Variants in HSD17B6 observed in about 807,000 individuals in gnomAD.
HSD17B6 encodes the protein 17-beta-hydroxysteroid dehydrogenase type 6.
A neutral mutation model predicts 26.4 loss-of-function variants in HSD17B6; 16 were observed. The observed-to-expected ratio is 0.61, with a 90% confidence interval of 0.41 to 0.92. The LOEUF (loss-of-function observed/expected upper bound fraction) is 0.92, where lower values mean the gene tolerates loss of function less well. Among genes scored for constraint, HSD17B6 ranks in the 40% least tolerant of loss-of-function variants. The probability of loss-of-function intolerance (pLI) is 0.00; values close to 1 mark genes in which losing one functional copy is unlikely to be tolerated. For missense variants in HSD17B6, 357 were observed against 386.1 expected, an observed-to-expected ratio of 0.92 and a Z score of 0.63; for synonymous variants, 139 against 153.0, an observed-to-expected ratio of 0.91 and a Z score of 0.68.
chr12:56,785,054 T>G, intron 4 of HSD17B6, 38 bp downstream of exon 4: 2 of 1,556,632 alleles, frequency 1.3e-6, no homozygotes, highest in Non-Finnish European at 1.7e-6. Context: ...ATGGGTACCC[T>G]GTATTAGTCC....
intron 4 of HSD17B6, 67 bp from the exon 5 acceptor site, chr12:56,787,058 G>GT (rs1433155038): frequency 1.1e-5 from 13 of 1,236,028 alleles, no homozygotes; most frequent in African/African-American, 1.5e-5. Context: ...TGAGACTTCT[G>GT]TGACTGCATG....
Position 56,783,545 on chromosome 12 carries a change from AC to A in HSD17B6, c.573-1300del, listed in dbSNP as rs1280436272. On this transcript the variant is annotated intron_variant, in intron 3 of 4. Transcript: ENST00000322165. Reference sequence around the variant, plus strand: ...GGCGGCCGGCCGGGCGGGGGGCTGAACCCCCCCCACCTCCCTCCCGGACAGG... The same window carrying A: ...GGCGGCCGGCCGGGCGGGGGGCTGAACCCCCCCACCTCCCTCCCGGACAGG... Among the ~76,000 whole-genome samples the A allele has an allele frequency of 2.4e-3, 181 of 75,702 alleles. 1 individual carries two copies. The highest frequency in any genetic ancestry group is 8.3e-3 in the African/African-American group (161 of 19,388). The allele number at this position is 75,702 out of a possible 152,430, so 49.7% of individuals were successfully genotyped here.
chr12:56,784,724 A>G (rs1384262692), intron 3 of HSD17B6, 129 bp from the exon 4 acceptor site: 23 of 920,278 alleles, frequency 2.5e-5, no homozygotes, highest in Non-Finnish European at 3.8e-5. Context: ...GGAGAGGGAG[A>G]GGGAGATTTC....
At chr12:56,774,311 T>C (rs543777491) in intron 2 of HSD17B6, 146 bp downstream of exon 2, 2 of 680,518 alleles carry the variant, frequency 2.9e-6, no homozygotes, top group South Asian at 4.9e-5. Context: ...TTATATAAAA[T>C]AGTGCAGTAT....
intron 1 of HSD17B6, among the ~76,000 whole-genome samples, chr12:56,771,956 GCTTTTGCTTT>G (rs1954482700): frequency 6.6e-6 from 1 of 152,156 alleles, no homozygotes; most frequent in African/African-American, 2.4e-5. Flanking sequence ...TCTCTTGCTT[GCTTTTGCTTT>G]CCTGCCATCA....
intron 4 of HSD17B6, chr12:56,786,027 TTTTTGGGATGATGA>T: frequency 1.2e-6 from 1 of 814,170 alleles, no homozygotes; most frequent in Non-Finnish European, 1.5e-6. Flanking sequence ...ACAGGGTTTC[TTTTTGGGATGATGA>T]AAATGTTCTA....
chr12:56,785,365 T>C (rs182773496), intron 4 of HSD17B6, among the ~76,000 whole-genome samples: 40 of 152,300 alleles, frequency 2.6e-4, no homozygotes, highest in African/African-American at 9.6e-4. Flanking sequence ...GGACTATAAT[T>C]CAAGATGAGT....
chr12:56,787,010 C>T, intron 4 of HSD17B6, 115 bp from the exon 5 acceptor site: 4 of 757,584 alleles, frequency 5.3e-6, no homozygotes, highest in Non-Finnish European at 8.7e-6. Flanking sequence ...TTGGGATGCA[C>T]ATTCTAGATC....
rs768423788 is a variant in HSD17B6, at chr12:56,782,123, G to A, written c.463G>A (p.Ala155Thr). 7 of 1,614,184 alleles carry A rather than the reference G, an allele frequency of 4.3e-6. No individual in the cohort carries two copies. Among genetic ancestry groups the A allele is most frequent in the Non-Finnish European group, 8.5e-7 (1 of 1,180,038 alleles). The change falls in exon 3 of 5, where the codon GCA (alanine) becomes ACA (threonine). Residue 155 changes from alanine (A) to threonine (T), a missense_variant. Coordinates refer to ENST00000322165, the MANE Select transcript of HSD17B6 (RefSeq NM_003725.4). ...TLSMLPLVRR[A>T]RGRIVNVSSI... ...GAGCATGCTTCCTTTGGTGAGGAGA[G>A]CACGGGGAAGAATTGTCAATGTCTC...
At chr12:56,780,428 C>A (rs1429152225) in intron 2 of HSD17B6, among the ~76,000 whole-genome samples, 1 of 152,192 alleles carries the variant, frequency 6.6e-6, no homozygotes, top group Non-Finnish European at 1.5e-5. Flanking sequence ...TTTGCCCTGG[C>A]GTGCTTATAC....
Position 56,773,850 on chromosome 12 carries a change from A to C in HSD17B6, c.-3A>C. ...TATTGAAAGAGAAGGAAGCACCCTC[A>C]CTATGTGGCTCTACCTGGCGGCCTT... On this transcript the variant is annotated 5_prime_UTR_variant, in exon 2 of 5. Transcript: ENST00000322165. 2 of 1,537,712 alleles carry C rather than the reference A, an allele frequency of 1.3e-6. No individual in the cohort carries two copies. The highest frequency in any genetic ancestry group is 1.8e-6 in the Non-Finnish European group (2 of 1,141,910).
Position 56,784,806 on chromosome 12 carries a change from T to C in HSD17B6, c.573-47T>C, listed in dbSNP as rs749230826. 1.9e-6 allele frequency: 3 copies of C among 1,573,172 alleles called. No homozygotes were observed. The Admixed American group carries it at 5.8e-5, about 31-fold the overall frequency. ...TTTTGCTTTTCCTTCCTGAAAGCATTGAAATGGTGGTGGTCTTTAATCATA... is the reference window on the plus strand; with the variant it reads ...TTTTGCTTTTCCTTCCTGAAAGCATCGAAATGGTGGTGGTCTTTAATCATA... On this transcript the variant is annotated intron_variant, in intron 3 of 4. Coordinates refer to ENST00000322165, the MANE Select transcript of HSD17B6 (RefSeq NM_003725.4).
At chr12:56,767,477 A>G (rs1259029678) in intron 1 of HSD17B6, among the ~76,000 whole-genome samples, 1 of 151,032 alleles carries the variant, frequency 6.6e-6, no homozygotes, top group Non-Finnish European at 1.5e-5. Flanking sequence ...AGATCGCGCT[A>G]CTGCACTCCA....
rs137970409 is a variant in HSD17B6 at position 56,764,763 on chromosome 12, A to G, written c.-20+1349A>G. Among the ~76,000 whole-genome samples the G allele has an allele frequency of 2.7e-3, 404 of 152,292 alleles. 2 individuals carry two copies. Among genetic ancestry groups the G allele is most frequent in the African/African-American group, 9.6e-3 (400 of 41,582 alleles). ...TTACTCAAGGCTGCAGAACAAGTAA[A>G]TCTCGAAGCCTGATTTTGAACCCAG... is the stretch of plus-strand genomic sequence containing the variant. On this transcript the variant is annotated intron_variant, in intron 1 of 4. Transcript: ENST00000322165.
At chr12:56,787,065 C>A (rs1305960067) in intron 4 of HSD17B6, 60 bp from the exon 5 acceptor site, 4 of 1,301,206 alleles carry the variant, frequency 3.1e-6, no homozygotes, top group Non-Finnish European at 3.3e-6. Context: ...TCTGTGACTG[C>A]ATGATCTTAA....
Position 56,785,023 on chromosome 12 carries a change from T to C in HSD17B6, c.736+7T>C, listed in dbSNP as rs747108299. On this transcript the variant is annotated splice_region_variant and intron_variant, in intron 4 of 4. Coordinates refer to ENST00000322165, the MANE Select transcript of HSD17B6 (RefSeq NM_003725.4). Reference sequence around the variant, plus strand: ...CAGCAGTATTTTGATGCCCGTAAGCTTTTTTCTTTTGATAGGGATAATGGG... The same window carrying C: ...CAGCAGTATTTTGATGCCCGTAAGCCTTTTTCTTTTGATAGGGATAATGGG... 2 of 1,605,816 alleles carry C rather than the reference T, an allele frequency of 1.2e-6. No homozygotes were observed. The highest frequency in any genetic ancestry group is 1.7e-5 in the Admixed American group (1 of 57,434).
chr12:56,766,965 C>T (rs1488215060), intron 1 of HSD17B6, among the ~76,000 whole-genome samples: 6 of 152,096 alleles, frequency 3.9e-5, no homozygotes, highest in Admixed American at 1.3e-4. Context: ...AAGGGGCAAA[C>T]GTAGGCCATG....
rs534595655 is a variant in HSD17B6, at chr12:56,784,324, G to T, written c.573-529G>T. Among the ~76,000 whole-genome samples, 908 of 152,322 alleles carry T rather than the reference G, an allele frequency of 6.0e-3. 6 individuals are homozygous for T. Among genetic ancestry groups the T allele is most frequent in the African/African-American group, 0.02 (836 of 41,582 alleles). On this transcript the variant is annotated intron_variant, in intron 3 of 4. Coordinates refer to ENST00000322165, the MANE Select transcript of HSD17B6 (RefSeq NM_003725.4). ...TCGGCATTTTGGGAGGCCAAGGCAG[G>T]CGGCTGGGAGGTGGAGGTTGTAGCG... is the stretch of plus-strand genomic sequence containing the variant.
At chr12:56,782,931 C>T (rs1430914662) in intron 3 of HSD17B6, among the ~76,000 whole-genome samples, 2 of 152,136 alleles carry the variant, frequency 1.3e-5, no homozygotes, top group African/African-American at 2.4e-5. Context: ...GGACACAGCA[C>T]ATGTTTCAGA....
Sources: allele counts gnomAD v4.1 joint callset (sites outside exome capture counted in the v4.1 genomes callset), GRCh38; gene constraint gnomAD v4.1.1; transcripts MANE v1.5; gene names NCBI Gene and HGNC (gene_info 2026-07-23, HGNC 2026-07-21).